The following ZNF195 variants were observed in gnomAD, a reference collection of about 807,000 sequenced individuals.
ZNF195 encodes hypoxia-regulated factor-1.
ZNF195 carries 11 observed loss-of-function variants against 19.5 expected under a neutral mutation model. The ratio of observed to expected loss-of-function variants is 0.57; its 90% CI spans 0.36 to 0.94. ZNF195 has a LOEUF of 0.94. Among genes scored for constraint, ZNF195 ranks in the 40% least tolerant of loss-of-function variants. ZNF195 has a pLI of 0.01. For missense variants in ZNF195, 582 were observed against 709.0 expected, an observed-to-expected ratio of 0.82 and a Z score of 2.03; for synonymous variants, 214 against 248.1, an observed-to-expected ratio of 0.86 and a Z score of 1.29.
intron 3 of ZNF195, among the ~76,000 whole-genome samples, chr11:3,364,147 A>G (rs531876665): frequency 6.6e-6 from 1 of 152,332 alleles, no homozygotes; most frequent in South Asian, 2.1e-4. Flanking sequence ...GTTCACCACC[A>G]CTAGTACAGT....
At chr11:3,361,593 A>C in intron 4 of ZNF195, 150 bp downstream of exon 4, 1 of 329,342 alleles carries the variant, frequency 3.0e-6, no homozygotes, top group Non-Finnish European at 5.0e-6. Context: ...GTAAGAAAAA[A>C]ATACAAAAAA....
intron 1 of ZNF195, chr11:3,377,781 T>G: frequency 9.8e-7 from 1 of 1,018,526 alleles, no homozygotes; most frequent in Non-Finnish European, 1.2e-6. Flanking sequence ...GCATCCTGTG[T>G]TATCCCTGGA....
chr11:3,370,045 GTA>G (rs1322580491), intron 3 of ZNF195, among the ~76,000 whole-genome samples: 1 of 151,790 alleles, frequency 6.6e-6, no homozygotes, highest in Non-Finnish European at 1.5e-5. Context: ...TAGACACACT[GTA>G]TATATGTGTG....
intron 1 of ZNF195, among the ~76,000 whole-genome samples, chr11:3,376,314 C>T (rs1005633096): frequency 6.6e-6 from 1 of 151,552 alleles, no homozygotes; most frequent in African/African-American, 2.4e-5. Flanking sequence ...TACACTAACA[C>T]TAACGATAGC....
intron 3 of ZNF195, 128 bp downstream of exon 3, chr11:3,370,847 A>G: frequency 2.4e-6 from 2 of 838,938 alleles, no homozygotes; most frequent in Non-Finnish European, 1.9e-6. Flanking sequence ...AGCAAGAGAA[A>G]GACACCCAGG....
chr11:3,378,397 A>T (rs1417463123), intron 1 of ZNF195, among the ~76,000 whole-genome samples: 4 of 152,116 alleles, frequency 2.6e-5, no homozygotes, highest in African/African-American at 9.6e-5. Flanking sequence ...AATCTAACTC[A>T]GATGCGTTTC....
chr11:3,379,074 C>T lies in ZNF195; in HGVS notation c.-34G>A. The stretch of plus-strand genomic sequence containing the variant: ...CTCCAGAGAGCCTGGCGTTTCACTT[C>T]TGGATCTCCCGGTGCCTGCGGGTCA... On this transcript the variant is annotated 5_prime_UTR_variant, in exon 1 of 6. Transcript: ENST00000399602. The T allele has an allele frequency of 6.7e-7, 1 of 1,495,548 alleles. No individual in the cohort carries two copies. The highest frequency in any genetic ancestry group is 9.0e-7 in the Non-Finnish European group (1 of 1,112,536). 92.6% of individuals were successfully genotyped at this position (1,495,548 alleles called of 1,614,324 possible).
rs1849303188 is a variant in ZNF195 at position 3,373,261 on chromosome 11, CA to C, written c.4-1559del. The stretch of plus-strand genomic sequence containing the variant: ...TTTGCTGATATCCAAAAACCCACCC[CA>C]TCCTCAAGAGGAATCCTGGGTATCC... On this transcript the variant is annotated intron_variant, in intron 1 of 5. Coordinates refer to ENST00000399602, the MANE Select transcript of ZNF195 (RefSeq NM_001130520.3). 2.0e-5 allele frequency among the ~76,000 whole-genome samples: 3 copies of C among 152,204 alleles called. No individual in the cohort carries two copies. In the South Asian group the frequency reaches 6.2e-4, roughly 32 times the overall value.
At chr11:3,374,892 G>A (rs771423752) in intron 1 of ZNF195, among the ~76,000 whole-genome samples, 10 of 152,218 alleles carry the variant, frequency 6.6e-5, no homozygotes, top group African/African-American at 1.4e-4. Flanking sequence ...TGCTGGATAC[G>A]ATGTCTCTAA....
chr11:3,373,417 T>A (rs1043542905), intron 1 of ZNF195, among the ~76,000 whole-genome samples: 4 of 152,240 alleles, frequency 2.6e-5, no homozygotes, highest in African/African-American at 9.6e-5. Context: ...AGAAAACAAA[T>A]ATTTTCAGAG....
intron 3 of ZNF195, among the ~76,000 whole-genome samples, chr11:3,367,420 CTG>C (rs1349166822): frequency 6.6e-6 from 1 of 152,026 alleles, no homozygotes; most frequent in Non-Finnish European, 1.5e-5. Context: ...TCAACTGTGA[CTG>C]TGTAGTCATG....
At chr11:3,369,352 C>T in intron 3 of ZNF195, 1 of 249,590 alleles carries the variant, frequency 4.0e-6, no homozygotes. Context: ...AAAAGATAAA[C>T]CTACCCTGCA....
chr11:3,364,424 T>C (rs1257887191), intron 3 of ZNF195, among the ~76,000 whole-genome samples: 1 of 152,142 alleles, frequency 6.6e-6, no homozygotes, highest in Admixed American at 6.5e-5. Flanking sequence ...TATAATACTT[T>C]ACTATCATAA....
chr11:3,368,948 G>A, intron 3 of ZNF195: 1 of 435,166 alleles, frequency 2.3e-6, no homozygotes, highest in Non-Finnish European at 4.6e-6. Context: ...AGCCTAAAAT[G>A]TAAAACATGT....
At position 3,373,745 on chromosome 11, in the gene ZNF195, C is replaced by A. The variant is rs10833822; in HGVS notation, c.4-2042G>T. On this transcript the variant is annotated intron_variant, in intron 1 of 5. Transcript: ENST00000399602. ...CCATCAACAGAAAGACCAAGAAATACAGAAAAAGTCCACGCTTTTCTGTTC... is the reference window on the plus strand; with the variant it reads ...CCATCAACAGAAAGACCAAGAAATAAAGAAAAAGTCCACGCTTTTCTGTTC... The A allele has an allele frequency of 0.66, 641,730 of 967,882 alleles. 214,439 individuals are homozygous for A. Among genetic ancestry groups the A allele is most frequent in the Admixed American group, 0.75 (31,216 of 41,740 alleles). 60.0% of individuals were successfully genotyped at this position (967,882 alleles called of 1,614,324 possible).
chr11:3,365,246 C>T (rs766884732), intron 3 of ZNF195, among the ~76,000 whole-genome samples: 2 of 152,116 alleles, frequency 1.3e-5, no homozygotes, highest in Non-Finnish European at 2.9e-5. Context: ...TAGAAAATTA[C>T]ACAGAAGATC....
chr11:3,378,950 C>T lies in ZNF195; in HGVS notation c.3+88G>A, dbSNP rs2301568. 1,946 of 1,302,430 alleles carry T rather than the reference C, an allele frequency of 1.5e-3. 52 individuals carry two copies. In the East Asian group the frequency reaches 0.054, roughly 36 times the overall value. The allele number at this position is 1,302,430 out of a possible 1,614,324, so 80.7% of individuals were successfully genotyped here. A position where few individuals can be genotyped will look rare whatever the true frequency, so the allele number is the denominator to read the frequency against. ...TCGGGTCCGCGGAGCCCGGAACCCA[C>T]CCGGGCAGCCCGGTTCCTCCCGAGC... is the stretch of plus-strand genomic sequence containing the variant. On this transcript the variant is annotated intron_variant, in intron 1 of 5. Transcript: ENST00000399602.
intron 1 of ZNF195, 51 bp from the exon 2 acceptor site, chr11:3,371,754 G>A (rs893954240): frequency 9.1e-6 from 14 of 1,544,870 alleles, no homozygotes; most frequent in Non-Finnish European, 1.1e-5. Flanking sequence ...GGTGAAATGA[G>A]CGAGTGAAGA....
chr11:3,369,148 G>A (rs771800751), intron 3 of ZNF195: 1 of 280,104 alleles, frequency 3.6e-6, no homozygotes, highest in Non-Finnish European at 7.1e-6. Context: ...TCAAAAATAA[G>A]TAACATATTA....
Sources: allele counts gnomAD v4.1 joint callset (sites outside exome capture counted in the v4.1 genomes callset), GRCh38; gene constraint gnomAD v4.1.1; transcripts MANE v1.5; gene names NCBI Gene and HGNC (gene_info 2026-07-23, HGNC 2026-07-21).